NAV2: variants seen among roughly 807,000 people sequenced by gnomAD.
NAV2 encodes neuron navigator 2.
NAV2 carries 54 observed loss-of-function variants against 223.2 expected under a neutral mutation model. That is an observed-to-expected ratio of 0.24 (90% CI 0.19 to 0.30). The LOEUF (loss-of-function observed/expected upper bound fraction) is 0.30, where lower values mean the gene tolerates loss of function less well. NAV2 is among the 10% of genes least tolerant of loss of function. The pLI, the probability that NAV2 is intolerant of heterozygous loss-of-function variation, is 1.00. For synonymous variants in NAV2, 1,279 were observed against 1,239.3 expected, an observed-to-expected ratio of 1.03 and a Z score of -0.67; for missense variants, 2,806 against 3,147.5, an observed-to-expected ratio of 0.89 and a Z score of 2.60.
In NAV2 at chr11:19,465,349, A is replaced by G. The variant is rs553449306; in HGVS notation, c.75+114322A>G. 2.0e-5 allele frequency among the ~76,000 whole-genome samples: 3 copies of G among 152,348 alleles called. No individual in the cohort carries two copies. The East Asian group carries it at 5.8e-4, about 29-fold the overall frequency. Reference sequence around the variant, plus strand: ...ATCATTTCCATTCCAAGATTTTCCCATATCTACAGGTAGAGTCGAATCACA... The same window carrying G: ...ATCATTTCCATTCCAAGATTTTCCCGTATCTACAGGTAGAGTCGAATCACA... On this transcript the variant is annotated intron_variant, in intron 1 of 37. Coordinates refer to the NAV2 transcript ENST00000360655.
chr11:19,826,106 G>A (rs1435448801), intron 1 of NAV2, among the ~76,000 whole-genome samples: 1 of 152,152 alleles, frequency 6.6e-6, no homozygotes, highest in Non-Finnish European at 1.5e-5. Context: ...AAGGATCCTA[G>A]AGACTTTCTC....
intron 9 of NAV2, among the ~76,000 whole-genome samples, chr11:19,947,859 G>C (rs574907913): frequency 5.3e-5 from 8 of 152,164 alleles, no homozygotes; most frequent in Non-Finnish European, 1.0e-4. Flanking sequence ...GTGAACTTTA[G>C]AGGGTTAGAA....
chr11:19,470,478 G>A (rs543255405), intron 1 of NAV2, among the ~76,000 whole-genome samples: 3 of 152,174 alleles, frequency 2.0e-5, no homozygotes, highest in Non-Finnish European at 4.4e-5. Flanking sequence ...TCTTGTGAGG[G>A]CCTTCTTGCT....
intron 6 of NAV2, among the ~76,000 whole-genome samples, chr11:19,894,058 T>C (rs968510379): frequency 3.3e-5 from 5 of 152,250 alleles, no homozygotes; most frequent in Non-Finnish European, 2.9e-5. Flanking sequence ...TATATATATA[T>C]GTAACAGAAA....
chr11:19,720,354 C>T (rs1001883993), intron 1 of NAV2, among the ~76,000 whole-genome samples: 6 of 152,238 alleles, frequency 3.9e-5, no homozygotes, highest in African/African-American at 9.6e-5. Flanking sequence ...AACCCCCATT[C>T]GCCCACACAG....
chr11:19,388,804 G>T (rs1228924489), intron 1 of NAV2, among the ~76,000 whole-genome samples: 9 of 152,174 alleles, frequency 5.9e-5, no homozygotes, highest in Non-Finnish European at 1.3e-4. Flanking sequence ...CATGGACTTT[G>T]GATACATTGT....
At position 19,439,395 on chromosome 11, in the gene NAV2, C is replaced by A. The variant is rs548814526; in HGVS notation, c.75+88368C>A. Among the ~76,000 whole-genome samples the A allele has an allele frequency of 5.3e-5, 8 of 152,208 alleles. No individual in the cohort carries two copies. The East Asian group carries it at 1.5e-3, about 29-fold the overall frequency. ...GGGTGATGAAATTTTGTACAACAAA[C>A]CTCCTGAAATGAGATTACCCTGGAT... is the stretch of plus-strand genomic sequence containing the variant. On this transcript the variant is annotated intron_variant, in intron 1 of 37. Coordinates refer to the NAV2 transcript ENST00000360655.
intron 13 of NAV2, 50 bp from the exon 14 acceptor site, chr11:20,044,918 G>A (rs745660610): frequency 2.6e-5 from 39 of 1,491,158 alleles, no homozygotes; most frequent in Non-Finnish European, 3.0e-5. Context: ...AGACGAGATG[G>A]ATGAGCTGGC....
chr11:19,468,729 G>T (rs2041865942), intron 1 of NAV2, among the ~76,000 whole-genome samples: 1 of 152,162 alleles, frequency 6.6e-6, no homozygotes, highest in Non-Finnish European at 1.5e-5. Context: ...ATTGTCTAGT[G>T]TCAGCATGTA....
chr11:20,041,595 A>G (rs2056922887), intron 12 of NAV2, among the ~76,000 whole-genome samples: 1 of 152,234 alleles, frequency 6.6e-6, no homozygotes, highest in Non-Finnish European at 1.5e-5. Context: ...CTCTTAGAGC[A>G]TATTAGAATA....
chr11:19,359,064 T>C (rs1460294380), intron 1 of NAV2, among the ~76,000 whole-genome samples: 1 of 152,234 alleles, frequency 6.6e-6, no homozygotes. Context: ...GTTGAATGAA[T>C]GAGTGACAGT....
chr11:19,912,701 C>G (rs1244941734), intron 6 of NAV2, among the ~76,000 whole-genome samples: 3 of 152,108 alleles, frequency 2.0e-5, no homozygotes, highest in African/African-American at 7.2e-5. Context: ...TCCAAGAGAC[C>G]CAGACTGTGC....
chr11:20,031,504 C>T lies in NAV2; in HGVS notation c.2769-4455C>T, dbSNP rs936947753. The stretch of plus-strand genomic sequence containing the variant: ...TTCCCCATTAGTTAGCATGAGTATG[C>T]CAAGTGACAAAAAGCAAAAGAAAGG... On this transcript the variant is annotated intron_variant, in intron 11 of 37. Transcript: ENST00000349880. Among the ~76,000 whole-genome samples the T allele has an allele frequency of 2.6e-5, 4 of 152,214 alleles. No homozygotes were observed. The South Asian group carries it at 8.3e-4, about 32-fold the overall frequency.
intron 1 of NAV2, among the ~76,000 whole-genome samples, chr11:19,723,325 C>T (rs2050924768): frequency 6.6e-6 from 1 of 152,222 alleles, no homozygotes; most frequent in Admixed American, 6.5e-5. Flanking sequence ...AAATAGGAGA[C>T]AGTGAGAGGA....
chr11:19,468,781 T>C (rs1230750004), intron 1 of NAV2, among the ~76,000 whole-genome samples: 3 of 152,180 alleles, frequency 2.0e-5, no homozygotes, highest in Non-Finnish European at 4.4e-5. Flanking sequence ...TATTACTGCA[T>C]AGTGAGGTCC....
intron 1 of NAV2, among the ~76,000 whole-genome samples, chr11:19,548,283 A>G (rs1391388546): frequency 1.3e-5 from 2 of 152,232 alleles, no homozygotes; most frequent in African/African-American, 4.8e-5. Context: ...GGAAAATCAG[A>G]CGAAGAGAGA....
At position 19,829,847 on chromosome 11, in the gene NAV2, G is replaced by A. The variant is rs535321088; in HGVS notation, c.268-2637G>A. ...CTTATTGTACTCATTTTACAGGTGAGTAAACTGAAGCCCAGAAAAGTAGAG... is the reference window on the plus strand; with the variant it reads ...CTTATTGTACTCATTTTACAGGTGAATAAACTGAAGCCCAGAAAAGTAGAG... On this transcript the variant is annotated intron_variant, in intron 1 of 37. Coordinates refer to ENST00000349880, the MANE Select transcript of NAV2 (RefSeq NM_145117.5). Among the ~76,000 whole-genome samples, 3 of 152,310 alleles carry A rather than the reference G, an allele frequency of 2.0e-5. No homozygotes were observed. In the East Asian group the frequency reaches 5.8e-4, roughly 29 times the overall value.
intron 1 of NAV2, among the ~76,000 whole-genome samples, chr11:19,437,351 G>A (rs1374520190): frequency 6.6e-6 from 1 of 152,066 alleles, no homozygotes; most frequent in Non-Finnish European, 1.5e-5. Flanking sequence ...ATTTCACAGT[G>A]TCTTGGTGTC....
intron 19 of NAV2, among the ~76,000 whole-genome samples, chr11:20,057,702 C>G (rs993442994): frequency 1.5e-4 from 23 of 152,222 alleles, no homozygotes; most frequent in Admixed American, 1.5e-3. Flanking sequence ...TGCCATGTGT[C>G]TTCCTGAGTG....
Sources: gnomAD v4.1 joint callset for allele counts (sites outside exome capture counted in the v4.1 genomes callset) on GRCh38, gnomAD v4.1.1 for gene constraint, MANE v1.5 for transcripts, NCBI Gene and HGNC (gene_info 2026-07-23, HGNC 2026-07-21) for gene names.